The following ZNF536 variants were observed in gnomAD, a reference collection of about 807,000 sequenced individuals.
The protein encoded by ZNF536 is zinc finger protein 536.
Under a neutral mutation model 84.5 loss-of-function variants are expected in ZNF536, and 13 were observed. That is an observed-to-expected ratio of 0.15 (90% CI 0.10 to 0.24). The LOEUF is 0.24. Among genes scored for constraint, ZNF536 ranks in the 10% least tolerant of loss-of-function variants. The pLI, the probability that ZNF536 is intolerant of heterozygous loss-of-function variation, is 1.00. For synonymous variants in ZNF536, 811 were observed against 742.5 expected, an observed-to-expected ratio of 1.09 and a Z score of -1.50; for missense variants, 1,536 against 1,747.5, an observed-to-expected ratio of 0.88 and a Z score of 2.16.
chr19:30,571,982 T>C (rs10407950), intron 1 of ZNF536, among the ~76,000 whole-genome samples: 2,889 of 152,268 alleles, frequency 0.019, 91 homozygotes, highest in African/African-American at 0.066. Flanking sequence ...GTGCTGTCAC[T>C]GTACATCCAA....
chr19:30,685,526 C>T (rs151309076), intron 1 of ZNF536, among the ~76,000 whole-genome samples: 8 of 152,026 alleles, frequency 5.3e-5, no homozygotes, highest in African/African-American at 1.7e-4. Context: ...GAGGTAGAGA[C>T]GGAAGGGATG....
Position 30,626,525 on chromosome 19 carries a change from C to A in ZNF536, c.169+77011C>A, listed in dbSNP as rs188253065. Among the ~76,000 whole-genome samples the A allele has an allele frequency of 2.4e-3, 372 of 152,286 alleles. 4 individuals are homozygous for A. Among genetic ancestry groups the A allele is most frequent in the Non-Finnish European group, 3.7e-3 (252 of 68,028 alleles). ...AAGACGGCACCTCGAGGAGCTCATT[C>A]TGGTTGCAAAGTTCGGTGGGGGCTT... On this transcript the variant is annotated intron_variant, in intron 1 of 1. Transcript: ENST00000592773.
chr19:30,481,304 ATCG>A (rs2054077619), intron 2 of ZNF536, among the ~76,000 whole-genome samples: 1 of 152,092 alleles, frequency 6.6e-6, no homozygotes, highest in Admixed American at 6.6e-5. Flanking sequence ...GATGCCCACT[ATCG>A]TCTTTTCAAA....
At chr19:30,497,307 T>C (rs193263920) in intron 2 of ZNF536, among the ~76,000 whole-genome samples, 2 of 152,178 alleles carry the variant, frequency 1.3e-5, no homozygotes, top group African/African-American at 4.8e-5. Context: ...TATCACAACA[T>C]GCACAAGCCA....
At chr19:30,415,653 C>T (rs1037516218) in intron 1 of ZNF536, among the ~76,000 whole-genome samples, 10 of 152,010 alleles carry the variant, frequency 6.6e-5, no homozygotes, top group African/African-American at 2.2e-4. Flanking sequence ...CTCTGTAGCC[C>T]GGGCTGGAGT....
chr19:30,436,729 C>CT (rs2051765414), intron 1 of ZNF536, among the ~76,000 whole-genome samples: 1 of 152,158 alleles, frequency 6.6e-6, no homozygotes, highest in South Asian at 2.1e-4. Context: ...GTCTTAATTA[C>CT]TGTTTACTGT....
At chr19:30,278,496 C>T (rs1437198275) in intron 1 of ZNF536, among the ~76,000 whole-genome samples, 1 of 152,052 alleles carries the variant, frequency 6.6e-6, no homozygotes, top group South Asian at 2.1e-4. Context: ...AGTCATTTAC[C>T]AACTCTAGCA....
intron 2 of ZNF536, among the ~76,000 whole-genome samples, chr19:30,474,313 T>C (rs200212580): frequency 3.3e-5 from 5 of 149,946 alleles, no homozygotes; most frequent in Admixed American, 6.6e-5. Flanking sequence ...TAAACCCTCT[T>C]TCTCTCTCTC....
chr19:30,513,589 AAG>A (rs1172146565), intron 2 of ZNF536, among the ~76,000 whole-genome samples: 14 of 152,234 alleles, frequency 9.2e-5, no homozygotes, highest in Non-Finnish European at 1.5e-5. Context: ...GTCTATGATG[AAG>A]AGAGGAAAAC....
intron 3 of ZNF536, among the ~76,000 whole-genome samples, chr19:30,546,537 C>A (rs983024639): frequency 5.9e-5 from 9 of 152,158 alleles, no homozygotes; most frequent in Non-Finnish European, 1.3e-4. Flanking sequence ...GGCTGGTGGC[C>A]CTCTTGCTCA....
chr19:30,612,130 C>T (rs1175341586), intron 1 of ZNF536, among the ~76,000 whole-genome samples: 1 of 152,190 alleles, frequency 6.6e-6, no homozygotes, highest in South Asian at 2.1e-4. Flanking sequence ...GGATTTGGTG[C>T]TCCCGAAAGA....
chr19:30,349,662 T>TG (rs1405803150), intron 2 of ZNF536, among the ~76,000 whole-genome samples: 5 of 152,034 alleles, frequency 3.3e-5, no homozygotes, highest in African/African-American at 1.2e-4. Flanking sequence ...TTGGGGTCTG[T>TG]GCTTTATCCA....
chr19:30,415,156 CT>C (rs2050660960), intron 1 of ZNF536, among the ~76,000 whole-genome samples: 1 of 118,114 alleles, frequency 8.5e-6, no homozygotes, highest in East Asian at 2.7e-4. Flanking sequence ...TCTCCTCCCC[CT>C]CCCCCTGCCC....
intron 1 of ZNF536, among the ~76,000 whole-genome samples, chr19:30,710,027 T>C (rs2052401326): frequency 6.6e-6 from 1 of 152,242 alleles, no homozygotes; most frequent in East Asian, 1.9e-4. Flanking sequence ...ATGAAATTTA[T>C]ATAAAATTTA....
At position 30,494,914 on chromosome 19, in the gene ZNF536, C is replaced by T. The variant is rs368774680; in HGVS notation, c.2171-39933C>T. 5.8e-3 allele frequency among the ~76,000 whole-genome samples: 853 copies of T among 146,866 alleles called. 7 individuals are homozygous for T. Among genetic ancestry groups the T allele is most frequent in the African/African-American group, 0.021 (802 of 38,668 alleles). On this transcript the variant is annotated intron_variant, in intron 2 of 4. Transcript: ENST00000355537. ...TGAGCCAAGATCATACCACTACACTCCAGCCTGGGCAACAGAGTGAGACTC... is the reference window on the plus strand; with the variant it reads ...TGAGCCAAGATCATACCACTACACTTCAGCCTGGGCAACAGAGTGAGACTC...
chr19:30,244,569 T>C (rs1179855805), intron 1 of ZNF536, among the ~76,000 whole-genome samples: 1 of 152,222 alleles, frequency 6.6e-6, no homozygotes, highest in African/African-American at 2.4e-5. Context: ...CAAGCCATAA[T>C]TACAGAAGAA....
intron 1 of ZNF536, among the ~76,000 whole-genome samples, chr19:30,604,623 A>G (rs1043649340): frequency 1.4e-4 from 22 of 152,230 alleles, no homozygotes; most frequent in African/African-American, 5.3e-4. Context: ...TTGATGAGTT[A>G]GCATGAGAAA....
chr19:30,412,637 T>C (rs2050542710), intron 1 of ZNF536, among the ~76,000 whole-genome samples: 1 of 152,032 alleles, frequency 6.6e-6, no homozygotes, highest in South Asian at 2.1e-4. Context: ...GTAGTAATAG[T>C]AGTAACAGTA....
chr19:30,609,684 G>A (rs539486463), intron 1 of ZNF536, among the ~76,000 whole-genome samples: 24 of 152,190 alleles, frequency 1.6e-4, no homozygotes, highest in East Asian at 7.7e-4. Context: ...AAACAACTCC[G>A]TGCTTCAAGA....
Sources: gnomAD v4.1 joint callset for allele counts (sites outside exome capture counted in the v4.1 genomes callset) on GRCh38, gnomAD v4.1.1 for gene constraint, MANE v1.5 for transcripts, NCBI Gene and HGNC (gene_info 2026-07-23, HGNC 2026-07-21) for gene names.